Variants in APOBEC3F observed in about 807,000 individuals in gnomAD.
The protein encoded by APOBEC3F is apolipoprotein B mRNA editing enzyme catalytic subunit 3F, also known as DNA dC->dU-editing enzyme APOBEC-3F.
APOBEC3F carries 34 observed loss-of-function variants against 45.8 expected under a neutral mutation model. The ratio of observed to expected loss-of-function variants is 0.74; its 90% CI spans 0.57 to 0.99. The LOEUF is 0.99. Ranked by LOEUF, APOBEC3F falls within the 50% of genes least tolerant of loss-of-function variation. The probability of loss-of-function intolerance (pLI) is 0.00; values close to 1 mark genes in which losing one functional copy is unlikely to be tolerated. For synonymous variants in APOBEC3F, 192 were observed against 174.4 expected (o/e 1.10, Z -0.80); for missense variants, 459 against 474.1 (o/e 0.97, Z 0.30).
chr22:39,055,955 G>A lies in APOBEC3F; in HGVS notation c.*3260G>A, dbSNP rs1419588160. Reference sequence around the variant, plus strand: ...CTGTCAACGCTCCCAGCTGATTAAAGCCTCTTCCTTCCTAAAACTGGTGTC... The same window carrying A: ...CTGTCAACGCTCCCAGCTGATTAAAACCTCTTCCTTCCTAAAACTGGTGTC... On this transcript the variant is annotated 3_prime_UTR_variant, in exon 7 of 7. Coordinates refer to ENST00000308521, the MANE Select transcript of APOBEC3F (RefSeq NM_145298.6). 6.6e-6 allele frequency among the ~76,000 whole-genome samples: 1 copy of A among 152,184 alleles called. No individual in the cohort carries two copies. The highest frequency in any genetic ancestry group is 2.4e-5 in the African/African-American group (1 of 41,438).
At chr22:39,047,600 T>A (rs940858022) in intron 4 of APOBEC3F, among the ~76,000 whole-genome samples, 13 of 142,472 alleles carry the variant, frequency 9.1e-5, no homozygotes, top group African/African-American at 2.7e-4. Context: ...CCCCTGCCCC[T>A]GCCCCAGCGC....
rs1009460075 is a variant in APOBEC3F at position 39,052,471 on chromosome 22, T to A, written c.1004-106T>A. ...GGGAAGCCTGCAGGGATGGCGCCAG[T>A]GTCCACTGCAACTGGCAGTCAGGAG... On this transcript the variant is annotated intron_variant, in intron 6 of 6. Transcript: ENST00000308521. The A allele has an allele frequency of 1.1e-5, 18 of 1,570,134 alleles. No individual in the cohort carries two copies. In the African/African-American group the frequency reaches 2.0e-4, roughly 18 times the overall value.
chr22:39,049,699 CTT>C (rs35594508), intron 5 of APOBEC3F, 118 bp downstream of exon 5: 78,195 of 806,952 alleles, frequency 0.097, 3 homozygotes, highest in East Asian at 0.15. Flanking sequence ...TCTTACATTT[CTT>C]TTTTTTTTTT....
intron 3 of APOBEC3F, 68 bp from the exon 4 acceptor site, chr22:39,045,360 G>A: frequency 1.9e-6 from 3 of 1,610,986 alleles, no homozygotes; most frequent in Non-Finnish European, 2.5e-6. Context: ...ACAGCCAGGA[G>A]ACCAGGCCTG....
chr22:39,052,322 AG>A lies in APOBEC3F; in HGVS notation c.976del (p.Ala326ProfsTer32), dbSNP rs748195936. The A allele has an allele frequency of 2.5e-6, 4 of 1,614,206 alleles. No individual in the cohort carries two copies. The highest frequency in any genetic ancestry group is 2.5e-6 in the Non-Finnish European group (3 of 1,180,042). ...QEGLRSLSQE[G>X]ASVEIMGYKD... ...AGGGGCTCCGCAGCCTGAGTCAGGAAGGGGCCTCCGTGGAGATCATGGGCTA... is the reference window on the plus strand; with the variant it reads ...AGGGGCTCCGCAGCCTGAGTCAGGAAGGGCCTCCGTGGAGATCATGGGCTA... On this transcript the variant is annotated frameshift_variant, in exon 6 of 7. Coordinates refer to ENST00000308521, the MANE Select transcript of APOBEC3F (RefSeq NM_145298.6). LOFTEE classifies it low-confidence loss of function (END_TRUNC).
rs34997051 is a variant in APOBEC3F, at chr22:39,047,686, T to A, written c.567-1739T>A. 1.9e-3 allele frequency among the ~76,000 whole-genome samples: 290 copies of A among 151,544 alleles called. 1 individual carries two copies. The highest frequency in any genetic ancestry group is 6.8e-3 in the African/African-American group (280 of 41,260). On this transcript the variant is annotated intron_variant, in intron 4 of 6. Transcript: ENST00000308521. Reference sequence around the variant, plus strand: ...CTTTGCCCTGCTATGTGGTCGCCCCTTTACAGCTTCTGAATGGGCCATCTC... The same window carrying A: ...CTTTGCCCTGCTATGTGGTCGCCCCATTACAGCTTCTGAATGGGCCATCTC...
Position 39,052,147 on chromosome 22 carries a change from A to G in APOBEC3F, c.797A>G (p.Asn266Ser), listed in dbSNP as rs1432945664. The G allele has an allele frequency of 6.2e-7, 1 of 1,613,938 alleles. No homozygotes were observed. Among genetic ancestry groups the G allele is most frequent in the East Asian group, 2.2e-5 (1 of 44,878 alleles). Reference sequence around the variant, plus strand: ...TTCTGTGACGACATACTGTCTCCTAACACAAACTACGAGGTCACCTGGTAC... The same window carrying G: ...TTCTGTGACGACATACTGTCTCCTAGCACAAACTACGAGGTCACCTGGTAC... ...SWFCDDILSP[N>S]TNYEVTWYTS... The change falls in exon 6 of 7, where the codon AAC becomes AGC. Residue 266 changes from asparagine (N) to serine (S), a missense_variant. Physicochemically the swap from Asn to Ser is conservative, Grantham distance 46. Coordinates refer to ENST00000308521, the MANE Select transcript of APOBEC3F (RefSeq NM_145298.6).
chr22:39,041,032 G>A, intron 1 of APOBEC3F, 55 bp downstream of exon 1: 1 of 1,561,108 alleles, frequency 6.4e-7, no homozygotes, highest in Non-Finnish European at 8.7e-7. Context: ...CCTGCCTGGT[G>A]GCTCTGCTGG....
In APOBEC3F at chr22:39,055,081, T is replaced by TTC. The variant is rs1927648360; in HGVS notation, c.*2387_*2388insCT. Among the ~76,000 whole-genome samples the TTC allele has an allele frequency of 6.6e-6, 1 of 151,242 alleles. No homozygotes were observed. The highest frequency in any genetic ancestry group is 2.4e-5 in the African/African-American group (1 of 40,868). On this transcript the variant is annotated 3_prime_UTR_variant, in exon 7 of 7. Coordinates refer to ENST00000308521, the MANE Select transcript of APOBEC3F (RefSeq NM_145298.6). The stretch of plus-strand genomic sequence containing the variant: ...GGTCTCTCTGCTTCCAAATATCTTT[T>TTC]TTTTTTTTTTCAGACAGTTTTGCTC...
intron 5 of APOBEC3F, among the ~76,000 whole-genome samples, chr22:39,050,687 T>C (rs1337592960): frequency 4.6e-5 from 7 of 151,934 alleles, no homozygotes; most frequent in Non-Finnish European, 8.8e-5. Context: ...TGAAATGCGC[T>C]GTGTATTTTA....
Position 39,054,916 on chromosome 22 carries a change from A to G in APOBEC3F, c.*2221A>G, listed in dbSNP as rs574782087. 2.8e-4 allele frequency among the ~76,000 whole-genome samples: 43 copies of G among 152,096 alleles called. No individual in the cohort carries two copies. Among genetic ancestry groups the G allele is most frequent in the African/African-American group, 9.6e-4 (40 of 41,476 alleles). ...GCCACAGGCAGGCATTTATTTTCTC[A>G]CAGATATGGAGGCTACAAGTCCAAG... On this transcript the variant is annotated 3_prime_UTR_variant, in exon 7 of 7. Coordinates refer to ENST00000308521, the MANE Select transcript of APOBEC3F (RefSeq NM_145298.6).
At chr22:39,052,499 C>G in intron 6 of APOBEC3F, 78 bp from the exon 7 acceptor site, 1 of 1,569,644 alleles carries the variant, frequency 6.4e-7, no homozygotes, top group Non-Finnish European at 8.6e-7. Flanking sequence ...GTCAGGAGAC[C>G]TGGGCTTGGA....
intron 2 of APOBEC3F, among the ~76,000 whole-genome samples, chr22:39,043,483 T>C (rs1927034778): frequency 6.7e-6 from 1 of 148,418 alleles, no homozygotes; most frequent in East Asian, 2.0e-4. Context: ...TTTTTTTTTG[T>C]ATTTTTAGTA....
In APOBEC3F at chr22:39,052,938, G is replaced by T; in HGVS notation, c.*243G>T. ...CACCCACCAAGACCCTGTTCCCTGA[G>T]CCTGCATGCCCCTAACCTGCCTTTT... On this transcript the variant is annotated 3_prime_UTR_variant, in exon 7 of 7. Coordinates refer to ENST00000308521, the MANE Select transcript of APOBEC3F (RefSeq NM_145298.6). 1 of 837,050 alleles carries T rather than the reference G, an allele frequency of 1.2e-6. No individual in the cohort carries two copies. The allele number at this position is 837,050 out of a possible 1,614,324, so 51.9% of individuals were successfully genotyped here.
Position 39,045,534 on chromosome 22 carries a change from G to C in APOBEC3F, c.558G>C (p.Glu186Asp), listed in dbSNP as rs1472082322. The part of the protein sequence containing the change: ...NYAFLHRTLK[E>D]ILRNPMEAMY... ...CATTCCTGCACCGCACGCTAAAGGAGATTCTCAGGTGAGGGTCTCCCTCTG... is the reference window on the plus strand; with the variant it reads ...CATTCCTGCACCGCACGCTAAAGGACATTCTCAGGTGAGGGTCTCCCTCTG... The change falls in exon 4 of 7, where the codon GAG becomes GAC. Residue 186 changes from glutamate to aspartate, a missense_variant. Coordinates refer to ENST00000308521, the MANE Select transcript of APOBEC3F (RefSeq NM_145298.6). The C allele has an allele frequency of 5.0e-6, 8 of 1,614,120 alleles. No homozygotes were observed. Among genetic ancestry groups the C allele is most frequent in the Non-Finnish European group, 5.9e-6 (7 of 1,180,000 alleles).
At chr22:39,052,020 ACTC>A (rs1289055161) in intron 5 of APOBEC3F, 51 bp from the exon 6 acceptor site, 6 of 1,599,924 alleles carry the variant, frequency 3.8e-6, no homozygotes, top group East Asian at 4.5e-5. Context: ...CCACCCCTGC[ACTC>A]CTCCTGCTCC....
chr22:39,041,625 A>G (rs1340788799), intron 1 of APOBEC3F, among the ~76,000 whole-genome samples: 1 of 152,098 alleles, frequency 6.6e-6, no homozygotes, highest in Non-Finnish European at 1.5e-5. Context: ...GCACTTTGGT[A>G]GGCTGAGGTG....
At position 39,055,182 on chromosome 22, in the gene APOBEC3F, CGT is replaced by C. The variant is rs1731252307; in HGVS notation, c.*2489_*2490del. On this transcript the variant is annotated 3_prime_UTR_variant, in exon 7 of 7. Transcript: ENST00000308521. ...CTGCCTTCCGAGTTCAAGCGATTCT[CGT>C]GCCTCAGCCTCCTGAGTAGCTGGGA... Among the ~76,000 whole-genome samples the C allele has an allele frequency of 2.0e-5, 3 of 151,706 alleles. No individual in the cohort carries two copies. The South Asian group carries it at 6.2e-4, about 32-fold the overall frequency.
In APOBEC3F at chr22:39,055,142, A is replaced by C. The variant is rs1927650126; in HGVS notation, c.*2447A>C. On this transcript the variant is annotated 3_prime_UTR_variant, in exon 7 of 7. Coordinates refer to ENST00000308521, the MANE Select transcript of APOBEC3F (RefSeq NM_145298.6). Reference sequence around the variant, plus strand: ...GGCTGGAGTGCAATGGCACAATCTCAGCTCACTGCAACCTCTGCCTTCCGA... The same window carrying C: ...GGCTGGAGTGCAATGGCACAATCTCCGCTCACTGCAACCTCTGCCTTCCGA... Among the ~76,000 whole-genome samples the C allele has an allele frequency of 6.7e-6, 1 of 148,498 alleles. No individual in the cohort carries two copies. The highest frequency in any genetic ancestry group is 1.5e-5 in the Non-Finnish European group (1 of 67,540).
Sources: gnomAD v4.1 joint callset for allele counts (sites outside exome capture counted in the v4.1 genomes callset) on GRCh38, gnomAD v4.1.1 for gene constraint, MANE v1.5 for transcripts, NCBI Gene and HGNC (gene_info 2026-07-23, HGNC 2026-07-21) for gene names.